MPP7: variants seen among roughly 807,000 people sequenced by gnomAD.
MPP7 encodes the protein MAGUK p55 scaffold protein 7, also known as MAGUK p55 subfamily member 7.
MPP7 carries 60 observed loss-of-function variants against 76.5 expected under a neutral mutation model. The observed-to-expected ratio is 0.78, with a 90% CI of 0.64 to 0.97. The LOEUF is 0.97. Ranked by LOEUF, MPP7 falls within the 50% of genes least tolerant of loss-of-function variation. The pLI is 0.00. For missense variants in MPP7, 641 were observed against 694.0 expected (o/e 0.92, Z 0.86); for synonymous variants, 237 against 244.5 (o/e 0.97, Z 0.29).
At chr10:28,077,041 G>A (rs889704877) in intron 12 of MPP7, among the ~76,000 whole-genome samples, 1 of 147,210 alleles carries the variant, frequency 6.8e-6, no homozygotes, top group African/African-American at 2.5e-5. Flanking sequence ...AAGTGAGATA[G>A]GTCTAGCACT....
intron 2 of MPP7, among the ~76,000 whole-genome samples, chr10:28,233,794 T>C (rs983052262): frequency 3.3e-5 from 5 of 150,856 alleles, no homozygotes; most frequent in Admixed American, 6.6e-5. Flanking sequence ...CCCAGCACTT[T>C]GGGAGGCTGA....
At chr10:28,146,860 A>G (rs1407758259) in intron 5 of MPP7, among the ~76,000 whole-genome samples, 1 of 152,178 alleles carries the variant, frequency 6.6e-6, no homozygotes, top group Non-Finnish European at 1.5e-5. Context: ...TGCAGTAATG[A>G]CTTCAGAATA....
At chr10:28,249,809 G>A (rs914935129) in intron 1 of MPP7, among the ~76,000 whole-genome samples, 4 of 152,068 alleles carry the variant, frequency 2.6e-5, no homozygotes, top group Non-Finnish European at 5.9e-5. Flanking sequence ...CTGGTGGGAG[G>A]AGCCTAGCCC....
chr10:28,200,145 G>C (rs896607251), intron 3 of MPP7, among the ~76,000 whole-genome samples: 6 of 152,176 alleles, frequency 3.9e-5, no homozygotes, highest in Non-Finnish European at 8.8e-5. Flanking sequence ...TTGGAATACA[G>C]TTAAGCGGTT....
At chr10:28,261,408 C>T (rs554005552) in intron 1 of MPP7, among the ~76,000 whole-genome samples, 2 of 152,310 alleles carry the variant, frequency 1.3e-5, no homozygotes, top group East Asian at 1.9e-4. Context: ...CCAGATCCAG[C>T]GCAGTCACCA....
intron 3 of MPP7, among the ~76,000 whole-genome samples, chr10:28,165,171 C>T (rs75002024): frequency 1.3e-5 from 2 of 152,036 alleles, no homozygotes; most frequent in Non-Finnish European, 2.9e-5. Context: ...GCATCCAAAT[C>T]GCCCGAGCCT....
At chr10:28,063,772 T>C (rs1199227904) in intron 13 of MPP7, among the ~76,000 whole-genome samples, 2 of 152,188 alleles carry the variant, frequency 1.3e-5, no homozygotes, top group Non-Finnish European at 2.9e-5. Flanking sequence ...CCTCCTGCCC[T>C]GTCTGTGGAA....
chr10:28,209,490 G>A (rs973945610), intron 2 of MPP7, among the ~76,000 whole-genome samples: 3 of 151,022 alleles, frequency 2.0e-5, no homozygotes, highest in African/African-American at 7.3e-5. Context: ...AAAAAACTAT[G>A]TGTGTGTCTC....
intron 12 of MPP7, among the ~76,000 whole-genome samples, chr10:28,085,874 G>T (rs753559582): frequency 6.6e-6 from 1 of 152,140 alleles, no homozygotes; most frequent in Non-Finnish European, 1.5e-5. Flanking sequence ...AGTGAGAAAA[G>T]GGAGGGGACC....
chr10:28,216,381 A>T (rs1164629631), intron 2 of MPP7, among the ~76,000 whole-genome samples: 2 of 152,178 alleles, frequency 1.3e-5, no homozygotes, highest in Non-Finnish European at 1.5e-5. Context: ...GCAAGAGACA[A>T]CTATAATTTT....
chr10:28,250,366 A>G (rs534521932), intron 1 of MPP7, among the ~76,000 whole-genome samples: 2 of 152,242 alleles, frequency 1.3e-5, no homozygotes, highest in South Asian at 4.1e-4. Context: ...CTACTTTTCT[A>G]TATATCTTGA....
intron 2 of MPP7, among the ~76,000 whole-genome samples, chr10:28,233,325 A>T (rs73608077): frequency 0.031 from 4,651 of 152,316 alleles, 143 homozygotes; most frequent in African/African-American, 0.071. Flanking sequence ...TTACACATTG[A>T]AATGTTCATA....
At chr10:28,187,134 C>G (rs1404349558) in intron 3 of MPP7, among the ~76,000 whole-genome samples, 3 of 152,152 alleles carry the variant, frequency 2.0e-5, no homozygotes, top group African/African-American at 7.2e-5. Flanking sequence ...CCATGTAAAT[C>G]TCACAATAAC....
chr10:28,217,414 C>G (rs1451698388), intron 2 of MPP7, among the ~76,000 whole-genome samples: 3 of 151,636 alleles, frequency 2.0e-5, no homozygotes, highest in Admixed American at 2.0e-4. Flanking sequence ...GTAATCCCAG[C>G]TACTCAGGAG....
At chr10:28,108,981 T>A (rs1834411980) in intron 11 of MPP7, among the ~76,000 whole-genome samples, 1 of 151,826 alleles carries the variant, frequency 6.6e-6, no homozygotes, top group African/African-American at 2.4e-5. Context: ...GAATAAGAAG[T>A]CATAAAAAAG....
At chr10:28,235,794 T>TA (rs1306989893) in intron 2 of MPP7, among the ~76,000 whole-genome samples, 1 of 152,206 alleles carries the variant, frequency 6.6e-6, no homozygotes, top group African/African-American at 2.4e-5. Flanking sequence ...AGTTTTCAAC[T>TA]ATTATAGAAG....
At chr10:28,333,921 G>A (rs570740411) in intron 1 of MPP7, among the ~76,000 whole-genome samples, 73 of 152,218 alleles carry the variant, frequency 4.8e-4, no homozygotes, top group African/African-American at 1.6e-3. Context: ...GGCCGGCTGC[G>A]GTGGCTCGTG....
upstream of MPP7, among the ~76,000 whole-genome samples, chr10:28,303,882 A>C (rs1249383570): frequency 6.6e-6 from 1 of 152,202 alleles, no homozygotes; most frequent in Non-Finnish European, 1.5e-5. Flanking sequence ...ACTCCTTCCT[A>C]TCATGTAACC....
At chr10:28,309,418 A>AAT (rs1841276768) in intron 2 of MPP7, among the ~76,000 whole-genome samples, 4 of 151,788 alleles carry the variant, frequency 2.6e-5, no homozygotes, top group Admixed American at 2.0e-4. Flanking sequence ...CATCTCAAAA[A>AAT]AAAAAAAAAA....
Sources: allele counts gnomAD v4.1 joint callset (sites outside exome capture counted in the v4.1 genomes callset), GRCh38; gene constraint gnomAD v4.1.1; transcripts MANE v1.5; gene names NCBI Gene and HGNC (gene_info 2026-07-23, HGNC 2026-07-21).